The following CLEC4F variants were observed in gnomAD, a reference collection of about 807,000 sequenced individuals.
The protein encoded by CLEC4F is C-type (calcium dependent, carbohydrate-recognition domain) lectin, superfamily member 13.
Under a neutral mutation model 53.4 loss-of-function variants are expected in CLEC4F, and 45 were observed. The ratio of observed to expected loss-of-function variants is 0.84; its 90% confidence interval spans 0.66 to 1.08. The LOEUF (loss-of-function observed/expected upper bound fraction) is 1.08. CLEC4F is among the 50% of genes least tolerant of loss of function. The probability of loss-of-function intolerance (pLI) is 0.00; values close to 1 mark genes in which losing one functional copy is unlikely to be tolerated. For missense variants in CLEC4F, 753 were observed against 698.2 expected, an observed-to-expected ratio of 1.08 and a Z score of -0.88; for synonymous variants, 245 against 257.5, an observed-to-expected ratio of 0.95 and a Z score of 0.46.
In CLEC4F at chr2:70,812,502, T is replaced by G. The variant is rs782803268; in HGVS notation, c.1484A>C (p.Gln495Pro). ...SVKKSWHEAE[Q>P]FCVSQGAHLA... ...ATGGGCTCCCTGGGACACGCAGAAC[T>G]GCTCAGCCTCATGCCAAGACTTCTT... Residue 495 changes from glutamine to proline, a missense_variant, in exon 5 of 7, where the codon CAG becomes CCG. Transcript: ENST00000272367. 10 of 1,614,120 alleles carry G rather than the reference T, an allele frequency of 6.2e-6. No homozygotes were observed. The highest frequency in any genetic ancestry group is 1.3e-5 in the African/African-American group (1 of 74,942).
rs1463483076 is a variant in CLEC4F, at chr2:70,808,727, G to GCT, written c.*542_*543dup. The GCT allele has an allele frequency of 3.4e-6, 1 of 289,996 alleles. No homozygotes were observed. Among genetic ancestry groups the GCT allele is most frequent in the Non-Finnish European group, 6.7e-6 (1 of 149,234 alleles). The allele number at this position is 289,996 out of a possible 1,614,324, so 18.0% of individuals were successfully genotyped here. A position where few individuals can be genotyped will look rare whatever the true frequency, so the allele number is the denominator to read the frequency against. On this transcript the variant is annotated 3_prime_UTR_variant, in exon 7 of 7. Transcript: ENST00000272367. ...GCTGAGGCTACAGGGGCACAGCAAG[G>GCT]CTCTTCCCTTGAGAAGCCACTGATG...
At chr2:70,817,212 G>C in intron 3 of CLEC4F, 100 bp from the exon 4 acceptor site, 11 of 1,257,200 alleles carry the variant, frequency 8.7e-6, no homozygotes, top group Non-Finnish European at 1.2e-5. Context: ...AAGGGAAATG[G>C]GTACTGCACA....
intron 5 of CLEC4F, chr2:70,811,570 A>AG: frequency 3.0e-6 from 1 of 332,512 alleles, no homozygotes; most frequent in Non-Finnish European, 5.9e-6. Flanking sequence ...GCGAGCCAAC[A>AG]GGGGGGTAGG....
chr2:70,823,846 T>C (rs1553398475), upstream of CLEC4F, among the ~76,000 whole-genome samples: 1 of 151,914 alleles, frequency 6.6e-6, no homozygotes, highest in African/African-American at 2.4e-5. Context: ...CTGGCCAACA[T>C]GATGAAACCC....
rs1676956645 is a variant in CLEC4F at position 70,816,978 on chromosome 2, G to T, written c.403C>A (p.Leu135Ile). Reference protein sequence around the residue: ...KCRVDNVNSQLQVLGDHLGNT... With the variant: ...KCRVDNVNSQIQVLGDHLGNT... ...CCCAGATGATCACCGAGCACCTGGA[G>T]CTGCGAATTGACATTGTCCACTCTG... Residue 135 changes from leucine to isoleucine, a missense_variant, in exon 4 of 7, where the codon CTC (leucine) becomes ATC (isoleucine). Coordinates refer to ENST00000272367, the MANE Select transcript of CLEC4F (RefSeq NM_173535.3). The T allele has an allele frequency of 1.2e-6, 2 of 1,614,172 alleles. No homozygotes were observed. Among genetic ancestry groups the T allele is most frequent in the East Asian group, 4.5e-5 (2 of 44,878 alleles).
At chr2:70,822,445 TC>T (rs1677250360), upstream of CLEC4F, among the ~76,000 whole-genome samples, 1 of 91,614 alleles carries the variant, frequency 1.1e-5, no homozygotes, top group African/African-American at 3.4e-5. Flanking sequence ...AGATACTGCT[TC>T]AGGGGTTCCT....
In CLEC4F at chr2:70,816,309, G is replaced by A. The variant is rs1400247858; in HGVS notation, c.1072C>T (p.Gln358Ter). ...ATCTCTGACTTGAATACCTGAATCT[G>A]AGTATCTGTCTGGTCCAGACGGCCA... ...ANGRLDQTDT[Q>*]IQVFKSEMEN... Residue 358 changes from glutamine to a stop codon, truncating the protein, a stop_gained, in exon 4 of 7, where the codon CAG becomes TAG. Transcript: ENST00000272367. LOFTEE classifies it high-confidence loss of function. The A allele has an allele frequency of 6.2e-7, 1 of 1,614,076 alleles. No homozygotes were observed. Among genetic ancestry groups the A allele is most frequent in the African/African-American group, 1.3e-5 (1 of 74,926 alleles).
At chr2:70,819,135 AG>A (rs1307641707) in intron 3 of CLEC4F, among the ~76,000 whole-genome samples, 2 of 152,196 alleles carry the variant, frequency 1.3e-5, no homozygotes, top group African/African-American at 4.8e-5. Flanking sequence ...TGATGGTTTC[AG>A]GGGCACACAC....
At chr2:70,819,164 A>G (rs1677084220) in intron 3 of CLEC4F, among the ~76,000 whole-genome samples, 191 bp downstream of exon 3, 1 of 152,178 alleles carries the variant, frequency 6.6e-6, no homozygotes, top group Admixed American at 6.5e-5. Context: ...AAAACTTAAC[A>G]GATTGTATGC....
Position 70,809,055 on chromosome 2 carries a change from G to A in CLEC4F, c.*216C>T, listed in dbSNP as rs1156349465. The A allele has an allele frequency of 2.6e-6, 4 of 1,526,498 alleles. No homozygotes were observed. Among genetic ancestry groups the A allele is most frequent in the African/African-American group, 2.8e-5 (2 of 72,558 alleles). The allele number at this position is 1,526,498 out of a possible 1,614,324, so 94.6% of individuals were successfully genotyped here. A position where few individuals can be genotyped will look rare whatever the true frequency, so the allele number is the denominator to read the frequency against. On this transcript the variant is annotated 3_prime_UTR_variant, in exon 7 of 7. Transcript: ENST00000272367. ...TCTGCCCATTCTTGTGCCGCCAGTT[G>A]TCAGACTGATTCTTTTCCCAAAACC...
At chr2:70,824,687 G>A (rs1031633114), upstream of CLEC4F, among the ~76,000 whole-genome samples, 46 of 140,236 alleles carry the variant, frequency 3.3e-4, no homozygotes, top group African/African-American at 1.2e-3. Flanking sequence ...ACCAATGAAG[G>A]AGCTCCCAAT....
At chr2:70,815,930 T>C in intron 4 of CLEC4F, 64 bp downstream of exon 4, 1 of 1,489,054 alleles carries the variant, frequency 6.7e-7, no homozygotes, top group South Asian at 1.3e-5. Context: ...GCTGATGAGA[T>C]GGAAGACTCT....
chr2:70,818,697 C>A (rs1267211419), intron 3 of CLEC4F, among the ~76,000 whole-genome samples: 1 of 151,608 alleles, frequency 6.6e-6, no homozygotes, highest in Non-Finnish European at 1.5e-5. Context: ...GGTGACAGAG[C>A]GAGACTCCGT....
intron 3 of CLEC4F, among the ~76,000 whole-genome samples, chr2:70,819,144 C>T (rs1373776815): frequency 6.6e-6 from 1 of 152,152 alleles, no homozygotes; most frequent in Non-Finnish European, 1.5e-5. Context: ...CAGGGGCACA[C>T]ACATATGTCA....
chr2:70,821,475 C>A (rs560523025), upstream of CLEC4F, among the ~76,000 whole-genome samples: 1 of 133,996 alleles, frequency 7.5e-6, no homozygotes, highest in Non-Finnish European at 1.7e-5. Flanking sequence ...TGGGCTATAA[C>A]GACTCTTAAA....
chr2:70,813,511 T>TTTTCTTTC (rs145244559), intron 4 of CLEC4F, among the ~76,000 whole-genome samples: 30 of 144,868 alleles, frequency 2.1e-4, no homozygotes, highest in African/African-American at 4.2e-4. Context: ...TCTTTCTTTC[T>TTTTCTTTC]TTTCTTTCTT....
At chr2:70,825,042 G>C (rs2863806), upstream of CLEC4F, among the ~76,000 whole-genome samples, 4 of 151,740 alleles carry the variant, frequency 2.6e-5, no homozygotes, top group Admixed American at 2.0e-4. Flanking sequence ...CAAGGTCAAC[G>C]CCAACAGTAA....
Position 70,816,394 on chromosome 2 carries a change from A to T in CLEC4F, c.987T>A (p.Asp329Glu). 6.2e-7 allele frequency: 1 copy of T among 1,613,830 alleles called. No homozygotes were observed. The highest frequency in any genetic ancestry group is 8.5e-7 in the Non-Finnish European group (1 of 1,179,930). ...AATCCCTTTTTAACACGTGAATTTC[A>T]TCACCAGCTCTTTCCAAATGACCTC... ...FLRGHLERAG[D>E]EIHVLKRDLK... The change falls in exon 4 of 7, where the codon GAT becomes GAA. Residue 329 changes from aspartate to glutamate, a missense_variant. Asp to Glu is a conservative substitution (Grantham distance 45). Transcript: ENST00000272367.
chr2:70,816,102 C>T lies in CLEC4F; in HGVS notation c.1279G>A (p.Asp427Asn), dbSNP rs1478354735. ...ASAEIQRLRG[D>N]LENTKALTME... The stretch of plus-strand genomic sequence containing the variant: ...GTTAGAGCTTTGGTGTTCTCTAGAT[C>T]CCCTCTTAACCTCTGGATCTCGGCA... The change falls in exon 4 of 7, where the codon GAT becomes AAT. Residue 427 changes from aspartate to asparagine, a missense_variant. Asp to Asn is a conservative substitution (Grantham distance 23, BLOSUM62 1). Coordinates refer to ENST00000272367, the MANE Select transcript of CLEC4F (RefSeq NM_173535.3). 3.1e-6 allele frequency: 5 copies of T among 1,614,078 alleles called. No homozygotes were observed. Among genetic ancestry groups the T allele is most frequent in the Non-Finnish European group, 4.2e-6 (5 of 1,180,042 alleles).
Sources: allele counts gnomAD v4.1 joint callset (sites outside exome capture counted in the v4.1 genomes callset), GRCh38; gene constraint gnomAD v4.1.1; transcripts MANE v1.5; gene names NCBI Gene and HGNC (gene_info 2026-07-23, HGNC 2026-07-21).